SGCZ: variants seen among roughly 807,000 people sequenced by gnomAD.
SGCZ encodes the protein sarcoglycan zeta.
Under a neutral mutation model 41.3 loss-of-function variants are expected in SGCZ, and 40 were observed. The observed-to-expected ratio is 0.97, with a 90% confidence interval of 0.75 to 1.26. SGCZ has a LOEUF of 1.26. Among genes scored for constraint, SGCZ ranks in the 50% most tolerant of loss-of-function variants. The pLI is 0.00. For synonymous variants in SGCZ, 206 were observed against 137.5 expected (o/e 1.50, Z -3.49); for missense variants, 552 against 369.8 (o/e 1.49, Z -4.04).
chr8:14,170,774 G>A (rs1804354876), intron 4 of SGCZ, among the ~76,000 whole-genome samples: 1 of 151,838 alleles, frequency 6.6e-6, no homozygotes, highest in Non-Finnish European at 1.5e-5. Flanking sequence ...ATTCAAATAG[G>A]TACACGTCCT....
At chr8:15,134,308 T>TTG (rs1808028928) in intron 1 of SGCZ, among the ~76,000 whole-genome samples, 1 of 150,910 alleles carries the variant, frequency 6.6e-6, no homozygotes, top group Admixed American at 6.6e-5. Context: ...TTAGGTCTTT[T>TTG]TTTTTTTTGT....
intron 5 of SGCZ, among the ~76,000 whole-genome samples, chr8:14,141,316 T>C (rs1405262226): frequency 1.3e-5 from 2 of 152,046 alleles, no homozygotes; most frequent in Non-Finnish European, 2.9e-5. Context: ...AATAGACAAA[T>C]GTGATCTGAT....
intron 3 of SGCZ, among the ~76,000 whole-genome samples, chr8:14,322,986 G>A (rs1454752166): frequency 3.3e-5 from 5 of 151,938 alleles, no homozygotes; most frequent in Admixed American, 6.6e-5. Flanking sequence ...ATTATGTAAG[G>A]TCAGGTATTC....
At chr8:15,172,364 G>A (rs1799868435) in intron 1 of SGCZ, among the ~76,000 whole-genome samples, 1 of 151,024 alleles carries the variant, frequency 6.6e-6, no homozygotes, top group South Asian at 2.1e-4. Flanking sequence ...GTTTCACCGT[G>A]TCAGCCAGGA....
At chr8:14,840,037 G>A (rs1054231549) in intron 1 of SGCZ, among the ~76,000 whole-genome samples, 5 of 151,834 alleles carry the variant, frequency 3.3e-5, no homozygotes, top group African/African-American at 1.2e-4. Flanking sequence ...CAGTAATGCG[G>A]AGAAACCAAA....
At chr8:14,232,121 C>T (rs1339303022) in intron 4 of SGCZ, among the ~76,000 whole-genome samples, 1 of 124,806 alleles carries the variant, frequency 8.0e-6, no homozygotes, top group Admixed American at 9.5e-5. Flanking sequence ...TCTAATCAAA[C>T]AAATCTTCTT....
intron 3 of SGCZ, among the ~76,000 whole-genome samples, chr8:14,266,225 C>G (rs1053894603): frequency 5.9e-5 from 9 of 151,972 alleles, no homozygotes; most frequent in African/African-American, 2.2e-4. Context: ...ATAAATTGAA[C>G]CAAAATGTAA....
chr8:14,925,461 T>C (rs575519092), intron 1 of SGCZ, among the ~76,000 whole-genome samples: 2 of 152,306 alleles, frequency 1.3e-5, no homozygotes, highest in African/African-American at 4.8e-5. Context: ...GTCCAGGACT[T>C]GACCTAACAG....
At chr8:14,881,338 G>T (rs534793090) in intron 1 of SGCZ, among the ~76,000 whole-genome samples, 1 of 151,752 alleles carries the variant, frequency 6.6e-6, no homozygotes, top group Non-Finnish European at 1.5e-5. Context: ...TTTTTCCTTT[G>T]CTCCTAACCT....
chr8:14,481,098 AATAT>A (rs1801522795), intron 2 of SGCZ, among the ~76,000 whole-genome samples: 1 of 152,226 alleles, frequency 6.6e-6, no homozygotes, highest in African/African-American at 2.4e-5. Flanking sequence ...TAATATCCAG[AATAT>A]ATAAAGAATA....
intron 2 of SGCZ, among the ~76,000 whole-genome samples, chr8:14,371,440 ATGACTATATC>A (rs1803906067): frequency 1.3e-5 from 2 of 152,224 alleles, no homozygotes; most frequent in Non-Finnish European, 2.9e-5. Context: ...TCTGTTTCTT[ATGACTATATC>A]CATTAAAATA....
chr8:14,880,689 A>C (rs1051834429), intron 1 of SGCZ, among the ~76,000 whole-genome samples: 10 of 152,158 alleles, frequency 6.6e-5, no homozygotes, highest in African/African-American at 2.4e-4. Context: ...CATTCTCAGC[A>C]AACTATCACA....
intron 1 of SGCZ, among the ~76,000 whole-genome samples, chr8:14,650,382 A>C (rs1264514890): frequency 6.6e-6 from 1 of 152,002 alleles, no homozygotes; most frequent in African/African-American, 2.4e-5. Flanking sequence ...TCAGGGTTAC[A>C]TGTGCAGGTT....
At chr8:14,122,411 A>C (rs1585154705) in intron 5 of SGCZ, among the ~76,000 whole-genome samples, 1 of 152,304 alleles carries the variant, frequency 6.6e-6, no homozygotes, top group East Asian at 1.9e-4. Flanking sequence ...CAAATAATTC[A>C]ATTTCAAGGA....
At position 15,156,069 on chromosome 8, in the gene SGCZ, A is replaced by G. The variant is rs896471799; in HGVS notation, c.39+81516T>C. Among the ~76,000 whole-genome samples, 12 of 152,032 alleles carry G rather than the reference A, an allele frequency of 7.9e-5. 1 individual carries two copies. The highest frequency in any genetic ancestry group is 1.0e-4 in the Non-Finnish European group (7 of 67,964). On this transcript the variant is annotated intron_variant, in intron 1 of 7. Coordinates refer to ENST00000382080, the MANE Select transcript of SGCZ (RefSeq NM_139167.4). ...TGAGATTCCCTCTCAAAAAAAAAAA[A>G]AAAAAATAGAAGAGTGAAGTGAAGG...
At chr8:14,161,168 G>C (rs1804032986) in intron 5 of SGCZ, 1 of 152,172 alleles carries the variant, frequency 6.6e-6, no homozygotes, top group Non-Finnish European at 1.5e-5. Flanking sequence ...CTGCTTTAAA[G>C]TATATGTGAG....
At chr8:14,989,272 T>C (rs1333393940) in intron 1 of SGCZ, among the ~76,000 whole-genome samples, 1 of 152,040 alleles carries the variant, frequency 6.6e-6, no homozygotes, top group Non-Finnish European at 1.5e-5. Context: ...AGGAGGATGA[T>C]TGCAAGGGTC....
At chr8:14,373,019 A>T (rs1321987244) in intron 2 of SGCZ, among the ~76,000 whole-genome samples, 2 of 152,208 alleles carry the variant, frequency 1.3e-5, no homozygotes, top group East Asian at 3.9e-4. Context: ...AAGTATTGAT[A>T]ATAACCTGCT....
intron 2 of SGCZ, among the ~76,000 whole-genome samples, chr8:14,425,547 C>T (rs963665660): frequency 1.3e-5 from 2 of 151,544 alleles, no homozygotes; most frequent in African/African-American, 4.9e-5. Context: ...CTTGAAACCA[C>T]GAGGCAGACG....
Sources: gnomAD v4.1 joint callset for allele counts (sites outside exome capture counted in the v4.1 genomes callset) on GRCh38, gnomAD v4.1.1 for gene constraint, MANE v1.5 for transcripts, NCBI Gene and HGNC (gene_info 2026-07-23, HGNC 2026-07-21) for gene names.